SIK2: variants seen among roughly 807,000 people sequenced by gnomAD.
SIK2 encodes salt inducible kinase 2.
In SIK2, 29 loss-of-function variants were observed where a neutral mutation model predicts 103.2. That is an observed-to-expected ratio of 0.28 (90% CI 0.21 to 0.38). The LOEUF (loss-of-function observed/expected upper bound fraction) is 0.38, where lower values mean the gene tolerates loss of function less well. Among genes scored for constraint, SIK2 ranks in the 10% least tolerant of loss-of-function variants. SIK2 has a pLI of 1.00. For synonymous variants in SIK2, 412 were observed against 446.1 expected (o/e 0.92, Z 0.96); for missense variants, 879 against 1,171.0 (o/e 0.75, Z 3.64).
At chr11:111,703,151 C>A in intron 6 of SIK2, 52 bp from the exon 7 acceptor site, 1 of 1,547,130 alleles carries the variant, frequency 6.5e-7, no homozygotes. Context: ...AGCAAATAAC[C>A]CTGAAGTGCA....
chr11:111,627,744 C>G (rs1941979224), intron 3 of SIK2, among the ~76,000 whole-genome samples: 1 of 152,084 alleles, frequency 6.6e-6, no homozygotes, highest in Non-Finnish European at 1.5e-5. Context: ...ACAAGTATTC[C>G]TTTATTGCTT....
chr11:111,683,414 AAGG>A (rs1217205061), intron 3 of SIK2: 57 of 152,026 alleles, frequency 3.7e-4, no homozygotes, highest in Admixed American at 3.7e-3. Flanking sequence ...TTCTGTAAAT[AAGG>A]TTTTTATTTT....
chr11:111,721,814 C>T lies in SIK2; in HGVS notation c.1945-16C>T, dbSNP rs781733504. 2.8e-5 allele frequency: 44 copies of T among 1,581,664 alleles called. No individual in the cohort carries two copies. The highest frequency in any genetic ancestry group is 3.7e-5 in the Non-Finnish European group (43 of 1,165,492). ...CATGGGGAATTGAAAATTGTTTCCA[C>T]CCCCTTGCTCCTCAGGAAGAAGTTT... On this transcript the variant is annotated splice_polypyrimidine_tract_variant and intron_variant, in intron 12 of 14. Coordinates refer to ENST00000304987, the MANE Select transcript of SIK2 (RefSeq NM_015191.3).
chr11:111,615,618 A>G (rs909853167), intron 1 of SIK2, among the ~76,000 whole-genome samples: 2 of 152,200 alleles, frequency 1.3e-5, no homozygotes, highest in African/African-American at 4.8e-5. Context: ...GCTCCTCTCT[A>G]GTTATAACAG....
intron 3 of SIK2, among the ~76,000 whole-genome samples, chr11:111,649,443 T>C (rs1942300457): frequency 6.6e-6 from 1 of 152,188 alleles, no homozygotes; most frequent in Non-Finnish European, 1.5e-5. Context: ...ATAAAGTTTT[T>C]ACTTTATACT....
intron 3 of SIK2, among the ~76,000 whole-genome samples, chr11:111,635,926 C>G (rs909823473): frequency 6.6e-6 from 1 of 152,184 alleles, no homozygotes; most frequent in Non-Finnish European, 1.5e-5. Context: ...TGGCCATAAC[C>G]ATACCCAACT....
chr11:111,721,948 C>G lies in SIK2; in HGVS notation c.2055+8C>G. On this transcript the variant is annotated splice_region_variant and intron_variant, in intron 13 of 14. Transcript: ENST00000304987. ...CTGCAGCACAGACTCCAGGTGGGTC[C>G]TTCTCCTTGCGAGTCCACCTCACTC... 1.9e-6 allele frequency: 3 copies of G among 1,572,780 alleles called. No individual in the cohort carries two copies. The highest frequency in any genetic ancestry group is 2.6e-6 in the Non-Finnish European group (3 of 1,161,102).
intron 1 of SIK2, among the ~76,000 whole-genome samples, chr11:111,606,956 G>GAA (rs61590310): frequency 0.6 from 84,011 of 139,124 alleles, 26,847 homozygotes; most frequent in East Asian, 0.95. Flanking sequence ...TCATTAAAAA[G>GAA]AAAAAAAAAA....
rs1396133226 is a variant in SIK2, at chr11:111,726,004, G to A, written c.*1875G>A. 1 of 152,150 alleles carries A rather than the reference G, an allele frequency of 6.6e-6. No homozygotes were observed. The highest frequency in any genetic ancestry group is 1.5e-5 in the Non-Finnish European group (1 of 68,036). The allele number at this position is 152,150 out of a possible 1,614,324, so 9.4% of individuals were successfully genotyped here. ...TTCTGGGAGTTGTTTATTCCTGCTC[G>A]TGCTTAAGATTGATGATTTCGTGAA... On this transcript the variant is annotated 3_prime_UTR_variant, in exon 15 of 15. Coordinates refer to ENST00000304987, the MANE Select transcript of SIK2 (RefSeq NM_015191.3).
At chr11:111,612,915 GATATATATATATATATATAT>G (rs67675103) in intron 1 of SIK2, among the ~76,000 whole-genome samples, 3 of 50,028 alleles carry the variant, frequency 6.0e-5, no homozygotes, top group Non-Finnish European at 8.2e-5. Flanking sequence ...ATAGCAATGG[GATATATATATATATATATAT>G]ATATATATAT....
At chr11:111,637,324 T>C (rs990719062) in intron 3 of SIK2, among the ~76,000 whole-genome samples, 3 of 151,976 alleles carry the variant, frequency 2.0e-5, no homozygotes, top group Non-Finnish European at 4.4e-5. Context: ...TTATTTTTAT[T>C]TTTTTAGTCT....
chr11:111,623,956 G>A (rs1192613986), intron 3 of SIK2, among the ~76,000 whole-genome samples: 1 of 152,194 alleles, frequency 6.6e-6, no homozygotes. Context: ...GCATTAGTTG[G>A]AACATTCATG....
At chr11:111,649,895 A>G (rs762873264) in intron 3 of SIK2, among the ~76,000 whole-genome samples, 1 of 152,262 alleles carries the variant, frequency 6.6e-6, no homozygotes, top group East Asian at 1.9e-4. Flanking sequence ...TAATTGTGCT[A>G]GGAGCTCTCA....
At chr11:111,674,091 A>G (rs1253653218) in intron 3 of SIK2, among the ~76,000 whole-genome samples, 2 of 151,526 alleles carry the variant, frequency 1.3e-5, no homozygotes, top group Non-Finnish European at 2.9e-5. Context: ...AAAGAAAAAA[A>G]GAAAAAAAAA....
intron 6 of SIK2, among the ~76,000 whole-genome samples, chr11:111,702,012 G>A (rs1943222552): frequency 1.3e-5 from 2 of 152,188 alleles, no homozygotes; most frequent in South Asian, 4.2e-4. Flanking sequence ...GTATTGAGCT[G>A]TTACCTAGAT....
Position 111,709,822 on chromosome 11 carries a change from G to A in SIK2, c.1102-2389G>A, listed in dbSNP as rs570827484. 8.5e-5 allele frequency among the ~76,000 whole-genome samples: 13 copies of A among 152,210 alleles called. No homozygotes were observed. In the Middle Eastern group the frequency reaches 0.01, roughly 119 times the overall value. On this transcript the variant is annotated intron_variant, in intron 8 of 14. Coordinates refer to ENST00000304987, the MANE Select transcript of SIK2 (RefSeq NM_015191.3). The stretch of plus-strand genomic sequence containing the variant: ...GATCCTGTCTGTTATTCCTCTAACC[G>A]AGTTCACAGTCAGTTGTAGTAGTCC...
intron 3 of SIK2, among the ~76,000 whole-genome samples, chr11:111,667,708 G>C (rs1942565637): frequency 6.6e-6 from 1 of 151,980 alleles, no homozygotes; most frequent in East Asian, 1.9e-4. Flanking sequence ...GGCCAGGCTG[G>C]TGTTGAACTC....
rs773159979 is a variant in SIK2, at chr11:111,616,283, T to C, written c.176T>C (p.Val59Ala). The C allele has an allele frequency of 4.3e-6, 7 of 1,613,798 alleles. No homozygotes were observed. The South Asian group carries it at 7.7e-5, about 18-fold the overall frequency. The change falls in exon 2 of 15, where the codon GTG becomes GCG. Residue 59 changes from valine to alanine, a missense_variant. This residue lies in a region of SIK2 where 126 missense variants were observed against 245.5 expected (regional missense o/e 0.51). Coordinates refer to ENST00000304987, the MANE Select transcript of SIK2 (RefSeq NM_015191.3). ...ATCGATAAGTCTCAGCTGGATGCAG[T>C]GAACCTTGAGAAAATCTACCGAGAA... ...KIIDKSQLDA[V>A]NLEKIYREVQ... is the part of the protein sequence containing the mutation.
At chr11:111,652,447 A>G (rs1942339586) in intron 3 of SIK2, among the ~76,000 whole-genome samples, 1 of 152,130 alleles carries the variant, frequency 6.6e-6, no homozygotes, top group Admixed American at 6.6e-5. Flanking sequence ...ATTGTATGTC[A>G]TTAATTTCAT....
Sources: allele counts gnomAD v4.1 joint callset (sites outside exome capture counted in the v4.1 genomes callset), GRCh38; gene constraint gnomAD v4.1.1; regional missense constraint gnomAD v4.1.1; transcripts MANE v1.5; gene names NCBI Gene and HGNC (gene_info 2026-07-23, HGNC 2026-07-21).